The following MAGI1 variants were observed in gnomAD, a reference collection of about 807,000 sequenced individuals.
MAGI1 encodes the protein membrane associated guanylate kinase, WW and PDZ domain containing 1.
MAGI1 carries 58 observed loss-of-function variants against 139.9 expected under a neutral mutation model. The ratio of observed to expected loss-of-function variants is 0.41; its 90% CI spans 0.34 to 0.52. The LOEUF (loss-of-function observed/expected upper bound fraction) is 0.52, where lower values mean the gene tolerates loss of function less well. Ranked by LOEUF, MAGI1 falls within the 20% of genes least tolerant of loss-of-function variation. The probability of loss-of-function intolerance (pLI) is 0.12; values close to 1 mark genes in which losing one functional copy is unlikely to be tolerated. For missense variants in MAGI1, 1,874 were observed against 1,901.6 expected (o/e 0.99, Z 0.27); for synonymous variants, 812 against 737.9 (o/e 1.10, Z -1.63).
intron 5 of MAGI1, among the ~76,000 whole-genome samples, chr3:65,461,019 G>A (rs554265983): frequency 6.6e-6 from 1 of 152,210 alleles, no homozygotes; most frequent in East Asian, 1.9e-4. Context: ...ACGTGTGCAT[G>A]TATATTTATA....
chr3:65,477,711 ATTTT>A (rs60679864), intron 4 of MAGI1, among the ~76,000 whole-genome samples: 2 of 141,612 alleles, frequency 1.4e-5, no homozygotes, highest in Admixed American at 7.0e-5. Context: ...TATTATTATT[ATTTT>A]TTTTTTTTTA....
In MAGI1 at chr3:65,734,178, G is replaced by C. The variant is rs373342905; in HGVS notation, c.314-112090C>G. On this transcript the variant is annotated intron_variant, in intron 1 of 22. Coordinates refer to ENST00000402939, the MANE Select transcript of MAGI1 (RefSeq NM_001033057.2). The stretch of plus-strand genomic sequence containing the variant: ...CAGGTTAAAAACATTATCTTGACTG[G>C]GTGCAGTGACTCACACCTGTAATCT... 6.6e-5 allele frequency among the ~76,000 whole-genome samples: 10 copies of C among 152,226 alleles called. No individual in the cohort carries two copies. The East Asian group carries it at 9.7e-4, about 15-fold the overall frequency.
At chr3:65,762,344 G>T (rs9876592) in intron 1 of MAGI1, among the ~76,000 whole-genome samples, 2,042 of 152,208 alleles carry the variant, frequency 0.013, 52 homozygotes, top group African/African-American at 0.047. Flanking sequence ...GGAGATACAT[G>T]TAGCAGAGGC....
intron 1 of MAGI1, among the ~76,000 whole-genome samples, chr3:65,669,234 A>T (rs1184323564): frequency 6.6e-6 from 1 of 152,182 alleles, no homozygotes. Flanking sequence ...TGTCCCTTAC[A>T]GACTTTTTAA....
At chr3:65,471,310 G>A (rs1298543797) in intron 4 of MAGI1, among the ~76,000 whole-genome samples, 1 of 152,174 alleles carries the variant, frequency 6.6e-6, no homozygotes, top group African/African-American at 2.4e-5. Flanking sequence ...GATATTAAAT[G>A]TCAATCTCCA....
chr3:65,436,713 C>A (rs1044830561), intron 10 of MAGI1, among the ~76,000 whole-genome samples: 3 of 152,052 alleles, frequency 2.0e-5, no homozygotes, highest in Admixed American at 1.3e-4. Context: ...TGATTCCTAT[C>A]TCTGGGATGG....
At chr3:65,394,885 C>A in intron 13 of MAGI1, among the ~76,000 whole-genome samples, 1 of 152,120 alleles carries the variant, frequency 6.6e-6, no homozygotes, top group Non-Finnish European at 1.5e-5. Context: ...ATTTATGACA[C>A]AGGAGCAGAT....
intron 12 of MAGI1, among the ~76,000 whole-genome samples, chr3:65,411,054 A>G (rs1429125526): frequency 6.6e-6 from 1 of 152,206 alleles, no homozygotes; most frequent in Non-Finnish European, 1.5e-5. Context: ...AACTTAAAAC[A>G]ACCACTAATT....
At chr3:65,538,050 G>A (rs181709929) in intron 2 of MAGI1, among the ~76,000 whole-genome samples, 10 of 152,154 alleles carry the variant, frequency 6.6e-5, no homozygotes, top group African/African-American at 1.2e-4. Context: ...CAGGAGAATC[G>A]CTTGAACCCA....
chr3:65,360,971 G>C (rs1940796911), intron 22 of MAGI1: 19 of 1,431,128 alleles, frequency 1.3e-5, no homozygotes, highest in Non-Finnish European at 1.7e-5. Context: ...ATCAGAAAGG[G>C]GGCTATAAAG....
Position 65,478,699 on chromosome 3 carries a change from G to C in MAGI1, c.650C>G (p.Ser217Trp), listed in dbSNP as rs1466342657. 6.2e-7 allele frequency: 1 copy of C among 1,613,874 alleles called. No homozygotes were observed. The highest frequency in any genetic ancestry group is 1.7e-5 in the Admixed American group (1 of 59,962). The change falls in exon 4 of 23, where the codon TCG (serine) becomes TGG (tryptophan). Residue 217 changes from serine to tryptophan, a missense_variant. By Grantham distance (177) the Ser-to-Trp change is radical (BLOSUM62 -3). Around this residue, in one of 5 missense-constraint regions of MAGI1, gnomAD observed 648 missense variants for 598.1 expected, o/e 1.08. Coordinates refer to ENST00000402939, the MANE Select transcript of MAGI1 (RefSeq NM_001033057.2). ...LHSLQSGSKQ[S>W]TPKRTKSYND... ...GTAGGACTTGGTTCGCTTCGGGGTC[G>C]ACTGCTTAGAGCCAGACTGAAGGCT...
At chr3:65,985,551 T>C in intron 1 of MAGI1, among the ~76,000 whole-genome samples, 1 of 152,216 alleles carries the variant, frequency 6.6e-6, no homozygotes, top group East Asian at 1.9e-4. Context: ...GAATTGAACA[T>C]TTTTGAAATA....
chr3:65,454,857 G>C (rs1949290118), intron 5 of MAGI1, among the ~76,000 whole-genome samples: 1 of 152,064 alleles, frequency 6.6e-6, no homozygotes, highest in African/African-American at 2.4e-5. Flanking sequence ...ATGACTGCCA[G>C]AATCTGTTCT....
chr3:65,386,682 AC>A (rs1287059963), intron 14 of MAGI1, among the ~76,000 whole-genome samples: 2 of 152,174 alleles, frequency 1.3e-5, no homozygotes, highest in African/African-American at 4.8e-5. Context: ...GTAAGGTAGA[AC>A]CATTTTCCCA....
At chr3:65,811,957 TGTGAGA>T (rs1380536695) in intron 1 of MAGI1, among the ~76,000 whole-genome samples, 4 of 150,348 alleles carry the variant, frequency 2.7e-5, no homozygotes, top group African/African-American at 4.9e-5. Flanking sequence ...TGTGTGTGTG[TGTGAGA>T]GAGAGAGCGT....
At chr3:65,671,858 A>T (rs373614246) in intron 1 of MAGI1, among the ~76,000 whole-genome samples, 2 of 152,164 alleles carry the variant, frequency 1.3e-5, no homozygotes, top group African/African-American at 4.8e-5. Flanking sequence ...AATGACCAAA[A>T]AAAGTTCCTA....
intron 1 of MAGI1, among the ~76,000 whole-genome samples, chr3:66,025,590 T>C (rs1235313348): frequency 6.6e-6 from 1 of 152,144 alleles, no homozygotes; most frequent in Non-Finnish European, 1.5e-5. Flanking sequence ...GATATGCTGT[T>C]AGGCATGAAG....
chr3:65,575,348 A>G (rs2081135736), intron 2 of MAGI1, among the ~76,000 whole-genome samples: 1 of 152,140 alleles, frequency 6.6e-6, no homozygotes, highest in Non-Finnish European at 1.5e-5. Context: ...ATACTATTAG[A>G]AAGGTTAAAG....
At chr3:65,746,933 G>T (rs542967366) in intron 1 of MAGI1, among the ~76,000 whole-genome samples, 1 of 152,252 alleles carries the variant, frequency 6.6e-6, no homozygotes, top group African/African-American at 2.4e-5. Flanking sequence ...TTTAGTACAA[G>T]CACATGTAAT....
Sources: gnomAD v4.1 joint callset for allele counts (sites outside exome capture counted in the v4.1 genomes callset) on GRCh38, gnomAD v4.1.1 for gene constraint, gnomAD v4.1.1 regional missense constraint, MANE v1.5 for transcripts, NCBI Gene and HGNC (gene_info 2026-07-23, HGNC 2026-07-21) for gene names.